OPCML: variants seen among roughly 807,000 people sequenced by gnomAD.
OPCML encodes opioid binding protein/cell adhesion molecule like, also known as opioid-binding protein/cell adhesion molecule.
A neutral mutation model predicts 37.8 loss-of-function variants in OPCML; 13 were observed. The ratio of observed to expected loss-of-function variants is 0.34; its 90% CI spans 0.22 to 0.55. The LOEUF is 0.55. Among genes scored for constraint, OPCML ranks in the 20% least tolerant of loss-of-function variants. The probability of loss-of-function intolerance (pLI) is 0.91; values close to 1 mark genes in which losing one functional copy is unlikely to be tolerated. For missense variants in OPCML, 341 were observed against 435.6 expected (o/e 0.78, Z 1.93); for synonymous variants, 176 against 168.8 (o/e 1.04, Z -0.33).
chr11:132,437,341 C>A lies in OPCML; in HGVS notation c.524G>T (p.Ser175Ile). 1 of 1,614,188 alleles carries A rather than the reference C, an allele frequency of 6.2e-7. No individual in the cohort carries two copies. The highest frequency in any genetic ancestry group is 8.5e-7 in the Non-Finnish European group (1 of 1,180,034). The part of the protein sequence containing the change: ...LSVKEGQGFV[S>I]EDEYLEISDI... ...AGAGATCTCCAGGTACTCATCCTCACTTACAAAGCCCTGGCCTTCTGGGAA... is the reference window on the plus strand; with the variant it reads ...AGAGATCTCCAGGTACTCATCCTCAATTACAAAGCCCTGGCCTTCTGGGAA... Residue 175 changes from serine (S) to isoleucine (I), a missense_variant, in exon 5 of 8, where the codon AGT becomes ATT. By Grantham distance (142) the Ser-to-Ile change is moderately radical. Coordinates refer to ENST00000524381, the MANE Select transcript of OPCML (RefSeq NM_001012393.5).
intron 1 of OPCML, among the ~76,000 whole-genome samples, chr11:133,530,587 G>A (rs1304681963): frequency 1.3e-5 from 2 of 152,236 alleles, no homozygotes; most frequent in East Asian, 3.8e-4. Context: ...CAGGTACTGA[G>A]TGTTCCGTTG....
intron 1 of OPCML, among the ~76,000 whole-genome samples, chr11:133,269,045 C>T (rs1200700662): frequency 6.6e-6 from 1 of 152,152 alleles, no homozygotes; most frequent in South Asian, 2.1e-4. Flanking sequence ...TAACAATATT[C>T]CACCTGTTCA....
intron 1 of OPCML, among the ~76,000 whole-genome samples, chr11:133,441,097 T>A (rs532854066): frequency 1.3e-5 from 2 of 151,904 alleles, no homozygotes; most frequent in African/African-American, 4.8e-5. Flanking sequence ...CACATCCTCA[T>A]GTATAAAAAT....
intron 1 of OPCML, among the ~76,000 whole-genome samples, chr11:133,280,078 T>C (rs1942103506): frequency 6.6e-6 from 1 of 152,110 alleles, no homozygotes; most frequent in Admixed American, 6.5e-5. Flanking sequence ...GCATTGGGAG[T>C]GCAGAGTGAA....
chr11:132,531,587 G>A (rs969519173), intron 3 of OPCML, among the ~76,000 whole-genome samples: 1 of 152,122 alleles, frequency 6.6e-6, no homozygotes, highest in African/African-American at 2.4e-5. Flanking sequence ...ATCTACATTA[G>A]CAAATAAATA....
At chr11:132,727,507 A>T (rs1361937525) in intron 2 of OPCML, among the ~76,000 whole-genome samples, 2 of 152,172 alleles carry the variant, frequency 1.3e-5, no homozygotes, top group African/African-American at 2.4e-5. Context: ...TGTGCTGCAT[A>T]AACGGAAGCC....
At chr11:132,839,711 G>A (rs1013203012) in intron 2 of OPCML, among the ~76,000 whole-genome samples, 4 of 152,218 alleles carry the variant, frequency 2.6e-5, no homozygotes, top group East Asian at 1.9e-4. Context: ...AATAAAATAC[G>A]GATCAGATGC....
intron 4 of OPCML, among the ~76,000 whole-genome samples, chr11:132,491,034 A>G (rs1472571210): frequency 4.0e-5 from 6 of 151,826 alleles, no homozygotes; most frequent in Non-Finnish European, 5.9e-5. Flanking sequence ...CCCAAATCCA[A>G]TCTGTTAGCA....
intron 2 of OPCML, among the ~76,000 whole-genome samples, chr11:132,881,759 T>C (rs1943233412): frequency 6.6e-6 from 1 of 152,200 alleles, no homozygotes; most frequent in Non-Finnish European, 1.5e-5. Context: ...ATTTCCAAAT[T>C]AGCAGCCCCA....
Position 132,657,247 on chromosome 11 carries a change from G to A in OPCML, c.219C>T (p.Asp73=). 6.2e-7 allele frequency: 1 copy of A among 1,614,238 alleles called. No homozygotes were observed. The highest frequency in any genetic ancestry group is 1.1e-5 in the South Asian group (1 of 91,088). ...TCACACGAGGGTCTATGGACCACTT[G>A]TCATTCCCAGCGTAGAGGATGGTGC... The part of the protein sequence containing the change: ...NRSTILYAGN[D]KWSIDPRVII... The change falls in exon 3 of 8, where the codon GAC becomes GAT. Residue 73 remains aspartate, a synonymous_variant. Coordinates refer to ENST00000524381, the MANE Select transcript of OPCML (RefSeq NM_001012393.5).
intron 2 of OPCML, among the ~76,000 whole-genome samples, chr11:132,884,360 G>A (rs1313883211): frequency 6.6e-6 from 1 of 152,212 alleles, no homozygotes; most frequent in Non-Finnish European, 1.5e-5. Context: ...CAATAAGTCA[G>A]AGAAAATGAG....
chr11:132,710,066 G>A (rs1350664071), intron 2 of OPCML, among the ~76,000 whole-genome samples: 2 of 152,260 alleles, frequency 1.3e-5, no homozygotes, highest in Middle Eastern at 3.4e-3. Flanking sequence ...AAGTACACAA[G>A]TACATCGTAG....
At chr11:133,120,380 C>T (rs1481218075) in intron 1 of OPCML, among the ~76,000 whole-genome samples, 1 of 152,212 alleles carries the variant, frequency 6.6e-6, no homozygotes, top group African/African-American at 2.4e-5. Flanking sequence ...ACTAGGGTTA[C>T]AGCAGCAGCA....
At chr11:132,427,994 A>G (rs976321270) in intron 7 of OPCML, among the ~76,000 whole-genome samples, 18 of 152,228 alleles carry the variant, frequency 1.2e-4, no homozygotes, top group Non-Finnish European at 2.2e-4. Flanking sequence ...CTGGATTTAA[A>G]TTGTGGAGTT....
chr11:133,295,108 GCCACCACA>G (rs900379460), intron 1 of OPCML, among the ~76,000 whole-genome samples: 5 of 152,044 alleles, frequency 3.3e-5, no homozygotes, highest in Non-Finnish European at 5.9e-5. Context: ...ACAGGCATGA[GCCACCACA>G]CCCAGCCTGC....
chr11:133,174,220 T>C lies in OPCML; in HGVS notation c.62-231210A>G, dbSNP rs768074951. 1.3e-5 allele frequency among the ~76,000 whole-genome samples: 2 copies of C among 152,136 alleles called. No homozygotes were observed. The highest frequency in any genetic ancestry group is 2.9e-5 in the Non-Finnish European group (2 of 68,034). On this transcript the variant is annotated intron_variant, in intron 1 of 7. Transcript: ENST00000524381. This position sits in a 1 kb window ranked among gnomAD's most constrained non-coding sequence, Gnocchi z 4.6. ...CCCTACCACGACAGGAAGAAGGAAATGGAGCTCCGGAGTAACTCCTAGAAG... is the reference window on the plus strand; with the variant it reads ...CCCTACCACGACAGGAAGAAGGAAACGGAGCTCCGGAGTAACTCCTAGAAG...
intron 1 of OPCML, among the ~76,000 whole-genome samples, chr11:133,273,795 G>A (rs986130882): frequency 2.0e-5 from 3 of 151,954 alleles, no homozygotes; most frequent in Admixed American, 2.0e-4. Flanking sequence ...GGGAATTGTC[G>A]CATTGCAAGC....
At chr11:133,007,897 A>G (rs1591905456) in intron 1 of OPCML, 1 of 985,392 alleles carries the variant, frequency 1.0e-6, no homozygotes, top group Non-Finnish European at 1.2e-6. Flanking sequence ...CTTTTCTTGG[A>G]TATGTTGTCC....
At chr11:132,970,131 C>T (rs974699648) in intron 1 of OPCML, among the ~76,000 whole-genome samples, 1 of 152,194 alleles carries the variant, frequency 6.6e-6, no homozygotes, top group African/African-American at 2.4e-5. Flanking sequence ...ATGGTGCCCC[C>T]TCACCTTCTA....
Sources: allele counts gnomAD v4.1 joint callset (sites outside exome capture counted in the v4.1 genomes callset), GRCh38; gene constraint gnomAD v4.1.1; non-coding constraint Gnocchi (gnomAD v3.1); transcripts MANE v1.5; gene names NCBI Gene and HGNC (gene_info 2026-07-23, HGNC 2026-07-21).